The following PHGR1 variants were observed in gnomAD, a reference collection of about 807,000 sequenced individuals.
PHGR1 encodes proline, histidine and glycine-rich protein 1.
Under a neutral mutation model 4.9 loss-of-function variants are expected in PHGR1, and 3 were observed. The observed-to-expected ratio is 0.61, with a 90% confidence interval of 0.28 to 1.58. The LOEUF (loss-of-function observed/expected upper bound fraction) is 1.58. Ranked by LOEUF, PHGR1 falls within the 40% of genes most tolerant of loss-of-function variation. The probability of loss-of-function intolerance (pLI) is 0.11; values close to 1 mark genes in which losing one functional copy is unlikely to be tolerated. For synonymous variants in PHGR1, 32 were observed against 46.1 expected, an observed-to-expected ratio of 0.69 and a Z score of 1.24; for missense variants, 81 against 118.7, an observed-to-expected ratio of 0.68 and a Z score of 1.48.
At chr15:40,354,500 G>GT in intron 3 of PHGR1, 148 bp downstream of exon 3, 1 of 1,001,268 alleles carries the variant, frequency 1.0e-6, no homozygotes. Flanking sequence ...GCCCCGTGGA[G>GT]TGGGGGTGGG....
At chr15:40,354,690 A>G (rs1196492398) in intron 3 of PHGR1, among the ~76,000 whole-genome samples, 4 of 152,114 alleles carry the variant, frequency 2.6e-5, no homozygotes, top group Admixed American at 2.6e-4. Context: ...CTACCCCCAC[A>G]GCCTTGCTGG....
At chr15:40,351,346 T>C (rs1277500673) in intron 1 of PHGR1, among the ~76,000 whole-genome samples, 1 of 152,152 alleles carries the variant, frequency 6.6e-6, no homozygotes, top group Admixed American at 6.5e-5. Context: ...TGAGGTCCCT[T>C]CCAGAGCTGC....
intron 2 of PHGR1, among the ~76,000 whole-genome samples, chr15:40,354,096 C>G (rs887311508): frequency 1.3e-5 from 2 of 152,170 alleles, no homozygotes; most frequent in African/African-American, 4.8e-5. Context: ...CCACTCCACC[C>G]AGGAGGACTC....
intron 2 of PHGR1, chr15:40,353,476 A>G (rs56334337): frequency 0.067 from 42,149 of 628,212 alleles, 1,754 homozygotes; most frequent in Non-Finnish European, 0.08. Context: ...ATGCTTACTC[A>G]TCATGTTCTT....
intron 3 of PHGR1, 85 bp downstream of exon 3, chr15:40,354,437 G>A: frequency 7.0e-7 from 1 of 1,425,302 alleles, no homozygotes; most frequent in Non-Finnish European, 9.5e-7. Context: ...AGACCCTCAG[G>A]GAGCAGCCAC....
In PHGR1 at chr15:40,356,314, G is replaced by T. The variant is rs1470250944; in HGVS notation, c.*11G>T. The T allele has an allele frequency of 1.1e-4, 163 of 1,549,746 alleles. No homozygotes were observed. Among genetic ancestry groups the T allele is most frequent in the Non-Finnish European group, 1.3e-4 (152 of 1,146,616 alleles). ...GGTCCACATCACTGAGGAAGTAGAA[G>T]AAAACAGGACACAAGATGGCAAGCC... On this transcript the variant is annotated 3_prime_UTR_variant, in exon 4 of 4. Coordinates refer to ENST00000448599, the MANE Select transcript of PHGR1 (RefSeq NM_001145643.2).
chr15:40,356,428 C>A lies in PHGR1; in HGVS notation c.*125C>A. On this transcript the variant is annotated 3_prime_UTR_variant, in exon 4 of 4. Transcript: ENST00000448599. ...AGCCTCCTAGAGGCCACATTCTATT[C>A]TTTAAAGAGCCTGTCTTCCTTCATA... 6.9e-7 allele frequency: 1 copy of A among 1,441,326 alleles called. No homozygotes were observed. The allele number at this position is 1,441,326 out of a possible 1,614,324, so 89.3% of individuals were successfully genotyped here. A position where few individuals can be genotyped will look rare whatever the true frequency, so the allele number is the denominator to read the frequency against.
chr15:40,351,372 A>C (rs1342484640), intron 1 of PHGR1, among the ~76,000 whole-genome samples: 1 of 152,172 alleles, frequency 6.6e-6, no homozygotes, highest in Non-Finnish European at 1.5e-5. Context: ...CCTGTCCCTC[A>C]AACACCTGGG....
chr15:40,353,123 GTGTGT>G, intron 1 of PHGR1, 104 bp from the exon 2 acceptor site: 1 of 810,800 alleles, frequency 1.2e-6, no homozygotes, highest in Non-Finnish European at 2.0e-6. Context: ...GTGTGTGTGT[GTGTGT>G]GTGTGTGTGT....
intron 2 of PHGR1, chr15:40,353,632 G>A (rs1287295539): frequency 2.5e-5 from 7 of 274,740 alleles, no homozygotes; most frequent in East Asian, 2.2e-4. Flanking sequence ...GGCTTCCCTC[G>A]AAATGAACAA....
At chr15:40,354,992 C>G (rs1391961749) in intron 3 of PHGR1, among the ~76,000 whole-genome samples, 1 of 152,116 alleles carries the variant, frequency 6.6e-6, no homozygotes, top group Admixed American at 6.5e-5. Flanking sequence ...CTCTTCCCCA[C>G]TGGTACCAAG....
intron 3 of PHGR1, among the ~76,000 whole-genome samples, chr15:40,355,173 C>T (rs1049269418): frequency 6.8e-6 from 1 of 146,194 alleles, no homozygotes; most frequent in Non-Finnish European, 1.5e-5. Context: ...GTTAAAAAAA[C>T]AAAAAAAAAA....
chr15:40,356,005 G>A (rs982469354), intron 3 of PHGR1, 68 bp from the exon 4 acceptor site: 2 of 1,471,622 alleles, frequency 1.4e-6, no homozygotes, highest in African/African-American at 2.8e-5. Context: ...TGGAGTGAGG[G>A]AGAGCTGATC....
chr15:40,353,691 G>C (rs1889244847), intron 2 of PHGR1: 2 of 215,844 alleles, frequency 9.3e-6, no homozygotes, highest in African/African-American at 4.5e-5. Flanking sequence ...CACACCAATG[G>C]GGCACTTCAG....
At position 40,356,419 on chromosome 15, in the gene PHGR1, C is replaced by A; in HGVS notation, c.*116C>A. On this transcript the variant is annotated 3_prime_UTR_variant, in exon 4 of 4. Coordinates refer to ENST00000448599, the MANE Select transcript of PHGR1 (RefSeq NM_001145643.2). ...CTAATAAACAGCCTCCTAGAGGCCA[C>A]ATTCTATTCTTTAAAGAGCCTGTCT... 1 of 1,476,966 alleles carries A rather than the reference C, an allele frequency of 6.8e-7. No individual in the cohort carries two copies. Among genetic ancestry groups the A allele is most frequent in the Non-Finnish European group, 9.2e-7 (1 of 1,082,162 alleles). The allele number at this position is 1,476,966 out of a possible 1,614,324, so 91.5% of individuals were successfully genotyped here.
At position 40,356,353 on chromosome 15, in the gene PHGR1, C is replaced by G. The variant is rs1011674355; in HGVS notation, c.*50C>G. ...AGATGGCAAGCCTGAGAGAATTGCC[C>G]AGCTGACCTGGAATGAGGCCTAAAC... On this transcript the variant is annotated 3_prime_UTR_variant, in exon 4 of 4. Coordinates refer to ENST00000448599, the MANE Select transcript of PHGR1 (RefSeq NM_001145643.2). The G allele has an allele frequency of 6.5e-7, 1 of 1,549,552 alleles. No homozygotes were observed. Among genetic ancestry groups the G allele is most frequent in the Non-Finnish European group, 8.7e-7 (1 of 1,146,380 alleles).
chr15:40,353,153 G>GCC, intron 1 of PHGR1, 79 bp from the exon 2 acceptor site: 1 of 1,306,242 alleles, frequency 7.7e-7, no homozygotes, highest in Non-Finnish European at 1.1e-6. Flanking sequence ...GTGTGCGCGC[G>GCC]CGCGCGCATC....
chr15:40,354,281 T>G (rs893562050), intron 2 of PHGR1, 64 bp from the exon 3 acceptor site: 4 of 1,494,580 alleles, frequency 2.7e-6, no homozygotes, highest in Middle Eastern at 1.7e-4. Context: ...AGAAGACAGG[T>G]TTTTTTTTAC....
Position 40,353,307 on chromosome 15 carries a change from G to A in PHGR1, c.10+40G>A, listed in dbSNP as rs961796818. ...TGAGAGGCTGGGAATTGGAAGAAGG[G>A]AGAGAGCAGGAGAGCGGTAAAGGCA... On this transcript the variant is annotated intron_variant, in intron 2 of 3. Transcript: ENST00000448599. 3.2e-6 allele frequency: 5 copies of A among 1,551,240 alleles called. No homozygotes were observed. In the African/African-American group the frequency reaches 4.1e-5, roughly 13 times the overall value.
Sources: gnomAD v4.1 joint callset for allele counts (sites outside exome capture counted in the v4.1 genomes callset) on GRCh38, gnomAD v4.1.1 for gene constraint, MANE v1.5 for transcripts, NCBI Gene and HGNC (gene_info 2026-07-23, HGNC 2026-07-21) for gene names.